AR: variants seen among roughly 807,000 people sequenced by gnomAD.
AR encodes the protein androgen receptor, also known as dihydrotestosterone receptor.
AR carries 8 observed loss-of-function variants against 53.9 expected under a neutral mutation model. That is an observed-to-expected ratio of 0.15 (90% CI 0.09 to 0.27). The LOEUF (loss-of-function observed/expected upper bound fraction) is 0.27. Among genes scored for constraint, AR ranks in the 10% least tolerant of loss-of-function variants. The probability of loss-of-function intolerance (pLI) is 1.00; values close to 1 mark genes in which losing one functional copy is unlikely to be tolerated. For missense variants in AR, 639 were observed against 742.5 expected, an observed-to-expected ratio of 0.86 and a Z score of 1.62; for synonymous variants, 359 against 316.4, an observed-to-expected ratio of 1.13 and a Z score of -1.43.
chrX:67,606,059 T>A (rs989377049), intron 1 of AR, among the ~76,000 whole-genome samples: 1 of 111,849 alleles, frequency 8.9e-6, no homozygotes, highest in Non-Finnish European at 1.9e-5. Context: ...TTGCTATTTT[T>A]TTTAAATTTC....
At chrX:67,646,412 T>C (rs942206695) in intron 2 of AR, among the ~76,000 whole-genome samples, 3 of 110,656 alleles carry the variant, frequency 2.7e-5, no homozygotes, top group African/African-American at 9.9e-5. Context: ...GCCATGAGGG[T>C]AAAATGACCA....
intron 1 of AR, among the ~76,000 whole-genome samples, chrX:67,607,669 C>T (rs1441972710): frequency 8.9e-6 from 1 of 112,036 alleles, no homozygotes; most frequent in Non-Finnish European, 1.9e-5. Flanking sequence ...AAGTGTGATT[C>T]AAATGTTAAG....
chrX:67,613,123 G>A (rs1923957606), intron 1 of AR, among the ~76,000 whole-genome samples: 2 of 111,813 alleles, frequency 1.8e-5, no homozygotes, highest in South Asian at 7.5e-4. Context: ...ATAAGGTAAA[G>A]CTTCCACACT....
chrX:67,550,134 T>C (rs1025751782), intron 1 of AR, among the ~76,000 whole-genome samples: 3 of 111,842 alleles, frequency 2.7e-5, no homozygotes, highest in African/African-American at 9.8e-5. Flanking sequence ...CATTCGGAAG[T>C]ATACACAGGA....
chrX:67,600,382 T>G (rs925889636), intron 1 of AR, among the ~76,000 whole-genome samples: 1 of 111,277 alleles, frequency 9.0e-6, no homozygotes, highest in Non-Finnish European at 1.9e-5. Context: ...ACCCTGTCAT[T>G]TTTGCAACAA....
chrX:67,723,926 G>A lies in AR; in HGVS notation c.*85G>A, dbSNP rs2147541318. On this transcript the variant is annotated 3_prime_UTR_variant, in exon 8 of 8. Coordinates refer to ENST00000374690, the MANE Select transcript of AR (RefSeq NM_000044.6). ...TGTTATAACTCTGCACTACTCCTCT[G>A]CAGTGCCTTGGGGAATTTCCTCTAT... 2 of 1,114,281 alleles carry A rather than the reference G, an allele frequency of 1.8e-6. No individual in the cohort carries two copies. The highest frequency in any genetic ancestry group is 1.8e-5 in the South Asian group (1 of 54,504). The allele number at this position is 1,114,281 out of a possible 1,213,427, so 91.8% of individuals were successfully genotyped here.
intron 1 of AR, among the ~76,000 whole-genome samples, chrX:67,604,198 A>G (rs867939388): frequency 9.7e-4 from 76 of 78,139 alleles, no homozygotes; most frequent in South Asian, 8.8e-4. Flanking sequence ...GGGGAGAAAT[A>G]TGTGTGTGTG....
intron 2 of AR, among the ~76,000 whole-genome samples, chrX:67,663,320 G>C (rs1012828126): frequency 9.8e-5 from 11 of 112,019 alleles, no homozygotes; most frequent in Non-Finnish European, 1.9e-5. Flanking sequence ...TGCAGGCCTG[G>C]TGGTGACAAA....
intron 1 of AR, among the ~76,000 whole-genome samples, chrX:67,615,526 G>C (rs1279627857): frequency 9.0e-6 from 1 of 110,698 alleles, no homozygotes; most frequent in Non-Finnish European, 1.9e-5. Context: ...GTAAACAAAG[G>C]CTGAGAGAAT....
chrX:67,651,124 T>C (rs1188120397), intron 2 of AR, among the ~76,000 whole-genome samples: 1 of 108,097 alleles, frequency 9.3e-6, no homozygotes, highest in Non-Finnish European at 1.9e-5. Flanking sequence ...CACTGCAACC[T>C]CCACCTCCCA....
rs912323788 is a variant in AR, at chrX:67,727,716, C to T, written c.*3875C>T. 9 of 171,046 alleles carry T rather than the reference C, an allele frequency of 5.3e-5. No individual in the cohort carries two copies. The highest frequency in any genetic ancestry group is 8.9e-5 in the Non-Finnish European group (8 of 89,442). 14.1% of individuals were successfully genotyped at this position (171,046 alleles called of 1,213,427 possible). The stretch of plus-strand genomic sequence containing the variant: ...CAGCCCAGTAACTACCCGAGCATGG[C>T]CCCTGCATAGCCCTGGAAAAATAAG... On this transcript the variant is annotated 3_prime_UTR_variant, in exon 8 of 8. Coordinates refer to ENST00000374690, the MANE Select transcript of AR (RefSeq NM_000044.6).
At position 67,662,105 on chromosome X, in the gene AR, G is replaced by T. The variant is rs1180290038; in HGVS notation, c.1768+18698G>T. On this transcript the variant is annotated intron_variant, in intron 2 of 7. Transcript: ENST00000374690. The stretch of plus-strand genomic sequence containing the variant: ...CTTTTCTTCTTTATTAGTCTTGCTA[G>T]TGGTCTATCAATTTTGTTGATCTTT... Among the ~76,000 whole-genome samples the T allele has an allele frequency of 6.3e-5, 7 of 111,284 alleles. No individual in the cohort carries two copies. The Admixed American group carries it at 6.7e-4, about 11-fold the overall frequency.
At chrX:67,608,703 CTAGT>C (rs757758442) in intron 1 of AR, among the ~76,000 whole-genome samples, 163 of 111,898 alleles carry the variant, frequency 1.5e-3, no homozygotes, top group African/African-American at 4.9e-3. Flanking sequence ...AAACATATCA[CTAGT>C]TAATCACTCT....
chrX:67,685,858 C>T, intron 2 of AR, 152 bp from the exon 3 acceptor site: 4 of 811,194 alleles, frequency 4.9e-6, no homozygotes, highest in Non-Finnish European at 6.9e-6. Flanking sequence ...TATTTAGGTT[C>T]TGTATGATCA....
intron 2 of AR, among the ~76,000 whole-genome samples, chrX:67,650,026 A>G (rs1017228826): frequency 2.7e-5 from 3 of 112,052 alleles, no homozygotes; most frequent in Admixed American, 9.5e-5. Flanking sequence ...CTCTTCAAGG[A>G]GAACTACAAA....
In AR at chrX:67,583,000, T is replaced by C. The variant is rs2147357115; in HGVS notation, c.1616+36238T>C. ...CCCAAGGAAAGAAGTGGCAGCTTCATTTTTGGTCATTGCAAACAGCAGTGC... is the reference window on the plus strand; with the variant it reads ...CCCAAGGAAAGAAGTGGCAGCTTCACTTTTGGTCATTGCAAACAGCAGTGC... On this transcript the variant is annotated intron_variant, in intron 1 of 7. Transcript: ENST00000374690. 1.8e-5 allele frequency among the ~76,000 whole-genome samples: 2 copies of C among 111,997 alleles called. 1 individual carries two copies. The highest frequency in any genetic ancestry group is 1.9e-4 in the Admixed American group (2 of 10,590).
At chrX:67,584,179 C>A (rs945341991) in intron 1 of AR, among the ~76,000 whole-genome samples, 3 of 111,877 alleles carry the variant, frequency 2.7e-5, no homozygotes, top group Non-Finnish European at 3.8e-5. Flanking sequence ...CACTGAGGCC[C>A]TCTCCCTACC....
rs759676789 is a variant in AR at position 67,727,316 on chromosome X, C to T, written c.*3475C>T. On this transcript the variant is annotated 3_prime_UTR_variant, in exon 8 of 8. Transcript: ENST00000374690. ...ATATATTTTTATGTATGTTCACTGG[C>T]ACTAAAAAATATAGAGAGCTTCATT... is the stretch of plus-strand genomic sequence containing the variant. 47 of 168,819 alleles carry T rather than the reference C, an allele frequency of 2.8e-4. No homozygotes were observed. In the South Asian group the frequency reaches 0.015, roughly 52 times the overall value. The allele number at this position is 168,819 out of a possible 1,213,427, so 13.9% of individuals were successfully genotyped here.
chrX:67,695,428 T>G (rs748853683), intron 3 of AR: 2 of 751,866 alleles, frequency 2.7e-6, no homozygotes, highest in South Asian at 1.4e-4. Flanking sequence ...CGACTTTCCC[T>G]CTTACATCTA....
Sources: allele counts gnomAD v4.1 joint callset (sites outside exome capture counted in the v4.1 genomes callset), GRCh38; gene constraint gnomAD v4.1.1; transcripts MANE v1.5; gene names NCBI Gene and HGNC (gene_info 2026-07-23, HGNC 2026-07-21).